Variants in ARHGEF10 observed in about 807,000 individuals in gnomAD.
The protein encoded by ARHGEF10 is Rho guanine nucleotide exchange factor 10, also known as Rho guanine nucleotide exchange factor (GEF) 10.
ARHGEF10 carries 140 observed loss-of-function variants against 147.4 expected under a neutral mutation model. The observed-to-expected ratio is 0.95, with a 90% CI of 0.83 to 1.09. The LOEUF (loss-of-function observed/expected upper bound fraction) is 1.09, where lower values mean the gene tolerates loss of function less well. ARHGEF10 is among the 50% of genes least tolerant of loss of function. The pLI, the probability that ARHGEF10 is intolerant of heterozygous loss-of-function variation, is 0.00. For synonymous variants in ARHGEF10, 902 were observed against 695.8 expected (o/e 1.30, Z -4.67); for missense variants, 2,222 against 1,752.7 (o/e 1.27, Z -4.78).
intron 26 of ARHGEF10, among the ~76,000 whole-genome samples, chr8:1,941,345 A>C (rs1427037600): frequency 2.0e-5 from 3 of 152,248 alleles, no homozygotes; most frequent in African/African-American, 7.2e-5. Context: ...AGACAAGAAA[A>C]CAACTTCATT....
intron 15 of ARHGEF10, among the ~76,000 whole-genome samples, chr8:1,899,278 GA>G (rs1354994018): frequency 2.6e-5 from 4 of 152,352 alleles, no homozygotes. Flanking sequence ...TTATTTAAAT[GA>G]ATGCCATGCC....
At chr8:1,882,887 G>C in intron 10 of ARHGEF10, 138 bp downstream of exon 10, 1 of 807,126 alleles carries the variant, frequency 1.2e-6, no homozygotes, top group Non-Finnish European at 2.1e-6. Flanking sequence ...TCAGTGCTTG[G>C]GTCTGAATCA....
rs79548709 is a variant in ARHGEF10, at chr8:1,893,650, C to T, written c.1260+4C>T. Reference sequence around the variant, plus strand: ...TGCTCTTAAGAGGATTTTGGAGGTACTTAAGTGTCGTGTTACATAATACAT... The same window carrying T: ...TGCTCTTAAGAGGATTTTGGAGGTATTTAAGTGTCGTGTTACATAATACAT... On this transcript the variant is annotated splice_donor_region_variant and intron_variant, in intron 12 of 28. Coordinates refer to ENST00000349830, the MANE Select transcript of ARHGEF10 (RefSeq NM_014629.4). 1,587 of 1,602,378 alleles carry T rather than the reference C, an allele frequency of 9.9e-4. 16 individuals are homozygous for T. In the African/African-American group the frequency reaches 0.017, roughly 17 times the overall value.
At chr8:1,850,074 A>G (rs1206470378) in intron 2 of ARHGEF10, among the ~76,000 whole-genome samples, 4 of 117,462 alleles carry the variant, frequency 3.4e-5, no homozygotes, top group African/African-American at 1.0e-4. Context: ...GGCTGCGTGG[A>G]CACAGAGGGC....
intron 14 of ARHGEF10, among the ~76,000 whole-genome samples, chr8:1,897,576 C>T (rs36071453): frequency 1.4e-4 from 16 of 115,950 alleles, no homozygotes; most frequent in Non-Finnish European, 2.4e-4. Context: ...TGTCCTAAGG[C>T]ATCGGATCGC....
At chr8:1,931,789 T>C (rs1438690540) in intron 25 of ARHGEF10, among the ~76,000 whole-genome samples, 1 of 47,936 alleles carries the variant, frequency 2.1e-5, no homozygotes, top group African/African-American at 6.7e-5. Flanking sequence ...TGTGCCTGGT[T>C]CCGGCTGCGA....
At chr8:1,839,092 C>G (rs1803767869) in intron 1 of ARHGEF10, among the ~76,000 whole-genome samples, 1 of 151,630 alleles carries the variant, frequency 6.6e-6, no homozygotes, top group South Asian at 2.1e-4. Context: ...TGGAAGCTGT[C>G]TGGTGTGGGG....
intron 26 of ARHGEF10, among the ~76,000 whole-genome samples, chr8:1,936,402 C>T (rs577944498): frequency 1.8e-4 from 27 of 152,174 alleles, no homozygotes; most frequent in Non-Finnish European, 2.5e-4. Flanking sequence ...GTAGGATATT[C>T]GGGAGGCTGA....
In ARHGEF10 at chr8:1,873,510, T is replaced by TTTCG. The variant is rs1554486250; in HGVS notation, c.680-3059_680-3058insCGTT. The stretch of plus-strand genomic sequence containing the variant: ...GGGGTAGTGCACCCGCATTTCCTCG[T>TTTCG]TTGAGAGGCGCCCGCGGGGTAGTGC... On this transcript the variant is annotated intron_variant, in intron 7 of 28. Coordinates refer to ENST00000349830, the MANE Select transcript of ARHGEF10 (RefSeq NM_014629.4). 5.5e-4 allele frequency among the ~76,000 whole-genome samples: 25 copies of TTTCG among 45,244 alleles called. 3 individuals are homozygous for TTTCG. The highest frequency in any genetic ancestry group is 1.9e-3 in the East Asian group (1 of 520). The allele number at this position is 45,244 out of a possible 152,430, so 29.7% of individuals were successfully genotyped here. A position where few individuals can be genotyped will look rare whatever the true frequency, so the allele number is the denominator to read the frequency against.
intron 28 of ARHGEF10, among the ~76,000 whole-genome samples, chr8:1,954,684 C>A (rs1181054649): frequency 9.2e-5 from 14 of 152,224 alleles, no homozygotes; most frequent in Admixed American, 9.2e-4. Flanking sequence ...CTGCTCACAA[C>A]CCTAGGAAAT....
At chr8:1,934,726 C>T (rs1463514472) in intron 26 of ARHGEF10, among the ~76,000 whole-genome samples, 3 of 152,178 alleles carry the variant, frequency 2.0e-5, no homozygotes, top group African/African-American at 7.2e-5. Context: ...GAAGACGAAA[C>T]TATAAACCTC....
intron 18 of ARHGEF10, among the ~76,000 whole-genome samples, chr8:1,919,217 C>T (rs1271466499): frequency 1.4e-5 from 2 of 138,444 alleles, no homozygotes; most frequent in African/African-American, 2.8e-5. Flanking sequence ...TGGAGCTGCT[C>T]CGTGGGTGAT....
At chr8:1,869,638 A>G in intron 7 of ARHGEF10, 1 of 333,204 alleles carries the variant, frequency 3.0e-6, no homozygotes. Context: ...TCTACAATTA[A>G]AGAAAAACAT....
At chr8:1,934,067 G>A in intron 26 of ARHGEF10, 125 bp downstream of exon 26, 1 of 1,301,288 alleles carries the variant, frequency 7.7e-7, no homozygotes. Flanking sequence ...GGGCACAGTG[G>A]CTCATGCCTG....
intron 11 of ARHGEF10, among the ~76,000 whole-genome samples, chr8:1,887,643 C>CAATG (rs1470780707): frequency 1.6e-5 from 2 of 123,148 alleles, no homozygotes; most frequent in African/African-American, 6.8e-5. Context: ...TGTGAGTGAG[C>CAATG]TGAGAGTCTG....
chr8:1,910,202 C>A (rs574163395), intron 18 of ARHGEF10, among the ~76,000 whole-genome samples: 1 of 152,166 alleles, frequency 6.6e-6, no homozygotes, highest in East Asian at 1.9e-4. Context: ...TTTCAGTTAA[C>A]CTTTCATAGG....
chr8:1,837,182 G>A (rs931801078), intron 1 of ARHGEF10, among the ~76,000 whole-genome samples: 2 of 152,262 alleles, frequency 1.3e-5, no homozygotes, highest in Non-Finnish European at 2.9e-5. Context: ...GATGCCGGTG[G>A]TAGGGCAAGG....
chr8:1,869,658 G>T, intron 7 of ARHGEF10: 1 of 318,494 alleles, frequency 3.1e-6, no homozygotes, highest in Non-Finnish European at 6.1e-6. Flanking sequence ...TAAATTCTCA[G>T]ATTTTAGACA....
At chr8:1,924,620 G>A (rs910269362) in intron 21 of ARHGEF10, among the ~76,000 whole-genome samples, 5 of 152,224 alleles carry the variant, frequency 3.3e-5, no homozygotes, top group South Asian at 2.1e-4. Flanking sequence ...CGGGAAAGCC[G>A]TCCTGACTTT....
Sources: allele counts gnomAD v4.1 joint callset (sites outside exome capture counted in the v4.1 genomes callset), GRCh38; gene constraint gnomAD v4.1.1; transcripts MANE v1.5; gene names NCBI Gene and HGNC (gene_info 2026-07-23, HGNC 2026-07-21).